ITPR1: variants seen among roughly 807,000 people sequenced by gnomAD.
The protein encoded by ITPR1 is inositol 1,4,5-trisphosphate-gated calcium channel ITPR1.
In ITPR1, 96 loss-of-function variants were observed where a neutral mutation model predicts 318.4. The observed-to-expected ratio is 0.30, with a 90% CI of 0.26 to 0.36. The LOEUF is 0.36. Among genes scored for constraint, ITPR1 ranks in the 10% least tolerant of loss-of-function variants. The probability of loss-of-function intolerance (pLI) is 1.00; values close to 1 mark genes in which losing one functional copy is unlikely to be tolerated. For synonymous variants in ITPR1, 1,312 were observed against 1,289.9 expected, an observed-to-expected ratio of 1.02 and a Z score of -0.37; for missense variants, 2,440 against 3,460.2, an observed-to-expected ratio of 0.71 and a Z score of 7.40.
At chr3:4,701,933 C>T (rs1340281275) in intron 35 of ITPR1, among the ~76,000 whole-genome samples, 2 of 152,054 alleles carry the variant, frequency 1.3e-5, no homozygotes, top group Admixed American at 6.5e-5. Context: ...TCTCAGAGAC[C>T]TCTTTCGGGG....
At chr3:4,669,807 T>G in intron 19 of ITPR1, 34 bp downstream of exon 19, 1 of 1,581,076 alleles carries the variant, frequency 6.3e-7, no homozygotes, top group East Asian at 2.3e-5. Context: ...ATGGAAAACA[T>G]GGGGTTCATT....
intron 5 of ITPR1, among the ~76,000 whole-genome samples, chr3:4,636,095 C>A (rs950799284): frequency 2.0e-5 from 3 of 151,876 alleles, no homozygotes; most frequent in Non-Finnish European, 4.4e-5. Context: ...CCCGACCTCA[C>A]GTGATCCGCC....
chr3:4,624,670 CAAAAAAAAAAAAA>C (rs1161664837), intron 4 of ITPR1, among the ~76,000 whole-genome samples: 1 of 72,506 alleles, frequency 1.4e-5, no homozygotes, highest in Non-Finnish European at 3.0e-5. Flanking sequence ...GCTCTGTCTC[CAAAAAAAAAAAAA>C]AAAAAAAAAA....
chr3:4,785,324 C>G (rs528229737), intron 51 of ITPR1, among the ~76,000 whole-genome samples: 4 of 152,326 alleles, frequency 2.6e-5, no homozygotes, highest in African/African-American at 9.6e-5. Flanking sequence ...AGAACACAGA[C>G]TTCTCTCTAC....
intron 60 of ITPR1, among the ~76,000 whole-genome samples, chr3:4,835,290 C>T (rs1324588975): frequency 6.6e-6 from 1 of 152,122 alleles, no homozygotes; most frequent in Non-Finnish European, 1.5e-5. Flanking sequence ...TTAGACATGT[C>T]TCATGGAGTT....
chr3:4,728,464 G>A (rs1334627457), intron 42 of ITPR1, among the ~76,000 whole-genome samples: 2 of 152,026 alleles, frequency 1.3e-5, no homozygotes, highest in East Asian at 3.9e-4. Context: ...TATTTTTGTG[G>A]GTACATAGTA....
intron 57 of ITPR1, 171 bp from the exon 58 acceptor site, chr3:4,814,252 C>T: frequency 1.4e-6 from 1 of 702,338 alleles, no homozygotes; most frequent in Non-Finnish European, 2.5e-6. Context: ...AAACAGTTGC[C>T]CCAGACGACT....
At chr3:4,503,765 G>A (rs539630763) in intron 2 of ITPR1, among the ~76,000 whole-genome samples, 1 of 152,140 alleles carries the variant, frequency 6.6e-6, no homozygotes, top group East Asian at 1.9e-4. Context: ...CTGTCCTTGA[G>A]TGAATTTTTC....
intron 4 of ITPR1, among the ~76,000 whole-genome samples, chr3:4,553,790 G>A (rs1313115530): frequency 6.6e-6 from 1 of 151,980 alleles, no homozygotes; most frequent in African/African-American, 2.4e-5. Context: ...TAGTAGAGAC[G>A]GGATTTCACC....
intron 61 of ITPR1, among the ~76,000 whole-genome samples, chr3:4,840,960 G>A (rs1416315467): frequency 6.6e-6 from 1 of 152,226 alleles, no homozygotes; most frequent in Non-Finnish European, 1.5e-5. Flanking sequence ...TGAAAATTCA[G>A]ATCACATTAG....
intron 4 of ITPR1, among the ~76,000 whole-genome samples, chr3:4,530,822 G>A (rs1252175495): frequency 6.6e-6 from 1 of 152,020 alleles, no homozygotes; most frequent in East Asian, 1.9e-4. Flanking sequence ...TAGTTGACTC[G>A]TCTTCTCCCT....
At chr3:4,608,792 A>G (rs1018356317) in intron 4 of ITPR1, among the ~76,000 whole-genome samples, 1 of 151,868 alleles carries the variant, frequency 6.6e-6, no homozygotes, top group Non-Finnish European at 1.5e-5. Context: ...ACTTGAGGTC[A>G]GGAGTTTCCG....
At position 4,711,579 on chromosome 3, in the gene ITPR1, G is replaced by A. The variant is rs1009802956; in HGVS notation, c.4992-178G>A. 7.0e-6 allele frequency: 4 copies of A among 574,604 alleles called. No individual in the cohort carries two copies. The African/African-American group carries it at 7.5e-5, about 11-fold the overall frequency. The allele number at this position is 574,604 out of a possible 1,614,324, so 35.6% of individuals were successfully genotyped here. On this transcript the variant is annotated intron_variant, in intron 38 of 61. Coordinates refer to ENST00000649015, the MANE Select transcript of ITPR1 (RefSeq NM_001378452.1). ...TGATTTACCAGCAGGTGTCACTATTGAGACACAGTTGCTAACTGGCTGTTC... is the reference window on the plus strand; with the variant it reads ...TGATTTACCAGCAGGTGTCACTATTAAGACACAGTTGCTAACTGGCTGTTC...
At chr3:4,609,643 C>T (rs540543156) in intron 4 of ITPR1, among the ~76,000 whole-genome samples, 34 of 151,604 alleles carry the variant, frequency 2.2e-4, no homozygotes, top group African/African-American at 7.5e-4. Flanking sequence ...TGGGTCACAA[C>T]GTATTCAATG....
At chr3:4,523,328 G>C (rs180880911) in intron 4 of ITPR1, among the ~76,000 whole-genome samples, 1 of 151,998 alleles carries the variant, frequency 6.6e-6, no homozygotes, top group Non-Finnish European at 1.5e-5. Context: ...TTTTTAAATC[G>C]ACATATATTT....
At chr3:4,587,923 T>C (rs2125062691) in intron 4 of ITPR1, among the ~76,000 whole-genome samples, 1 of 152,276 alleles carries the variant, frequency 6.6e-6, no homozygotes, top group African/African-American at 2.4e-5. Context: ...TTTTGTTAAA[T>C]AGCCTGCTGG....
intron 37 of ITPR1, among the ~76,000 whole-genome samples, chr3:4,707,518 T>C (rs1390203966): frequency 6.6e-6 from 1 of 152,240 alleles, no homozygotes; most frequent in Non-Finnish European, 1.5e-5. Context: ...TATGACCTAG[T>C]TTCAGAAGTC....
At chr3:4,832,222 T>TG (rs1351598071) in intron 60 of ITPR1, among the ~76,000 whole-genome samples, 1 of 152,132 alleles carries the variant, frequency 6.6e-6, no homozygotes, top group Non-Finnish European at 1.5e-5. Flanking sequence ...AGGGAGGCAC[T>TG]GGGGGAGACT....
At chr3:4,626,229 G>T (rs114347424) in intron 4 of ITPR1, among the ~76,000 whole-genome samples, 1 of 151,794 alleles carries the variant, frequency 6.6e-6, no homozygotes, top group Non-Finnish European at 1.5e-5. Context: ...AGTTACAAAC[G>T]TGTATTATTG....
Sources: allele counts gnomAD v4.1 joint callset (sites outside exome capture counted in the v4.1 genomes callset), GRCh38; gene constraint gnomAD v4.1.1; transcripts MANE v1.5; gene names NCBI Gene and HGNC (gene_info 2026-07-23, HGNC 2026-07-21).